FBLN7: variants seen among roughly 807,000 people sequenced by gnomAD.
The protein encoded by FBLN7 is fibulin 7, also known as fibulin-7.
Under a neutral mutation model 44.0 loss-of-function variants are expected in FBLN7, and 31 were observed. The ratio of observed to expected loss-of-function variants is 0.70; its 90% CI spans 0.53 to 0.95. FBLN7 has a LOEUF of 0.95. Ranked by LOEUF, FBLN7 falls within the 40% of genes least tolerant of loss-of-function variation. The pLI is 0.00. For missense variants in FBLN7, 573 were observed against 618.5 expected, an observed-to-expected ratio of 0.93 and a Z score of 0.78; for synonymous variants, 262 against 253.4, an observed-to-expected ratio of 1.03 and a Z score of -0.32.
downstream of FBLN7, chr2:112,189,071 C>T (rs1333716169): frequency 1.3e-5 from 2 of 152,194 alleles, no homozygotes; most frequent in Non-Finnish European, 2.9e-5. Flanking sequence ...ACACATCACA[C>T]ACATCATATG....
chr2:112,204,153 G>T, the FBLN7 span, among the ~76,000 whole-genome samples: 5 of 151,852 alleles, frequency 3.3e-5, no homozygotes, highest in African/African-American at 1.2e-4. Context: ...GAAATATTAA[G>T]TTGAAAAGTA....
At chr2:112,163,120 G>C (rs1333709205) in intron 2 of FBLN7, among the ~76,000 whole-genome samples, 1 of 152,178 alleles carries the variant, frequency 6.6e-6, no homozygotes, top group Non-Finnish European at 1.5e-5. Flanking sequence ...AGCATCCTCG[G>C]AGGGTCCGGC....
the FBLN7 span, chr2:112,213,727 G>T: frequency 1.8e-5 from 2 of 110,336 alleles, no homozygotes; most frequent in African/African-American, 3.6e-5. Context: ...AGTGAGCCAA[G>T]ATCGCACCAC....
intron 4 of FBLN7, 72 bp from the exon 5 acceptor site, chr2:112,181,667 C>T (rs544719522): frequency 2.2e-6 from 3 of 1,340,594 alleles, no homozygotes; most frequent in Non-Finnish European, 2.9e-6. Flanking sequence ...GTTCTGCTCC[C>T]GGCCCCTACC....
Position 112,138,537 on chromosome 2 carries a change from GC to G in FBLN7, c.-113del, listed in dbSNP as rs1389740462. 8 of 1,184,264 alleles carry G rather than the reference GC, an allele frequency of 6.8e-6. No homozygotes were observed. The highest frequency in any genetic ancestry group is 1.6e-5 in the African/African-American group (1 of 60,790). 73.4% of individuals were successfully genotyped at this position (1,184,264 alleles called of 1,614,324 possible). On this transcript the variant is annotated 5_prime_UTR_variant, in exon 1 of 8. Transcript: ENST00000331203. ...TCCCGCCTCCCCCCCTGCCCCAGCC[GC>G]CCCCCGGCCGCGCGGCGCCCCGCAC...
At chr2:112,172,627 CT>C (rs35062438) in intron 3 of FBLN7, among the ~76,000 whole-genome samples, 9,048 of 88,452 alleles carry the variant, frequency 0.1, 96 homozygotes, top group East Asian at 0.24. Flanking sequence ...CTTTTTCTTT[CT>C]TTTTTTTTTT....
At chr2:112,233,825 C>T in the FBLN7 span, among the ~76,000 whole-genome samples, 4 of 151,974 alleles carry the variant, frequency 2.6e-5, no homozygotes, top group Admixed American at 6.6e-5. Context: ...GCCGAGAATG[C>T]GCCACTGCAC....
chr2:112,173,945 A>G (rs977799638), intron 3 of FBLN7, among the ~76,000 whole-genome samples: 2 of 152,352 alleles, frequency 1.3e-5, no homozygotes, highest in South Asian at 4.1e-4. Flanking sequence ...GTCCTGGGAC[A>G]GCTGTGCGTT....
chr2:112,187,336 T>TG lies in FBLN7; in HGVS notation c.1150_1151insG (p.Phe384CysfsTer55). On this transcript the variant is annotated frameshift_variant, in exon 8 of 8. Coordinates refer to ENST00000331203, the MANE Select transcript of FBLN7 (RefSeq NM_153214.3). LOFTEE classifies it high-confidence loss of function. This position sits in a 1 kb window ranked among gnomAD's most constrained non-coding sequence, Gnocchi z 5.1. ...CGTGGGTGGGAACAGCCGCGGCCAC[T>TG]TTGTGATGCAGCGTTCAGACCGGCA... is the stretch of plus-strand genomic sequence containing the variant. 1 of 1,614,128 alleles carries TG rather than the reference T, an allele frequency of 6.2e-7. No individual in the cohort carries two copies. Among genetic ancestry groups the TG allele is most frequent in the Non-Finnish European group, 8.5e-7 (1 of 1,180,042 alleles).
intron 3 of FBLN7, among the ~76,000 whole-genome samples, chr2:112,173,461 G>GA (rs1288266399): frequency 1.3e-5 from 2 of 151,484 alleles, no homozygotes; most frequent in Non-Finnish European, 2.9e-5. Context: ...GAGGTGATTG[G>GA]AAAAATGAAA....
chr2:112,140,428 G>T (rs1680583170), intron 1 of FBLN7, among the ~76,000 whole-genome samples: 1 of 152,230 alleles, frequency 6.6e-6, no homozygotes, highest in South Asian at 2.1e-4. Context: ...CGGATGCCTG[G>T]GTTGAGAGCT....
At chr2:112,231,060 TCA>T in the FBLN7 span, 1 of 705,478 alleles carries the variant, frequency 1.4e-6, no homozygotes, top group Admixed American at 5.3e-5. Flanking sequence ...ATCCTAATAA[TCA>T]TCTAATATTA....
intron 7 of FBLN7, among the ~76,000 whole-genome samples, chr2:112,186,692 C>T (rs796068289): frequency 3.3e-5 from 5 of 152,196 alleles, no homozygotes; most frequent in African/African-American, 7.2e-5. Flanking sequence ...CACCGTACAC[C>T]GTGTGGGAAG....
At chr2:112,228,915 A>G in the FBLN7 span, among the ~76,000 whole-genome samples, 1 of 152,224 alleles carries the variant, frequency 6.6e-6, no homozygotes, top group Non-Finnish European at 1.5e-5. Flanking sequence ...ATGGGCAGAG[A>G]TCTAAACTGA....
the FBLN7 span, among the ~76,000 whole-genome samples, chr2:112,232,202 G>C: frequency 2.6e-5 from 4 of 151,300 alleles, no homozygotes; most frequent in African/African-American, 9.7e-5. Context: ...TGTAATCCCA[G>C]CTACTCAGGA....
chr2:112,156,258 C>T (rs1275277187), intron 1 of FBLN7, among the ~76,000 whole-genome samples: 6 of 152,164 alleles, frequency 3.9e-5, no homozygotes, highest in Non-Finnish European at 8.8e-5. Flanking sequence ...GGAGGCAGTC[C>T]ATTGGGGTGG....
At chr2:112,216,044 AG>A in the FBLN7 span, 1 of 152,220 alleles carries the variant, frequency 6.6e-6, no homozygotes, top group Non-Finnish European at 1.5e-5. Flanking sequence ...TGTCATAAAG[AG>A]AACTAACTCT....
At chr2:112,184,555 T>A (rs976783532) in intron 6 of FBLN7, among the ~76,000 whole-genome samples, 2 of 151,844 alleles carry the variant, frequency 1.3e-5, no homozygotes, top group Non-Finnish European at 2.9e-5. Context: ...ATACAAATCA[T>A]GATATTGAGG....
the FBLN7 span, chr2:112,213,822 C>T: frequency 3.7e-5 from 5 of 134,240 alleles, no homozygotes; most frequent in Non-Finnish European, 6.2e-5. Flanking sequence ...TTTAGTTCTA[C>T]TATTATGTGG....
Sources: gnomAD v4.1 joint callset for allele counts (sites outside exome capture counted in the v4.1 genomes callset) on GRCh38, gnomAD v4.1.1 for gene constraint, Gnocchi (gnomAD v3.1) non-coding constraint, MANE v1.5 for transcripts, NCBI Gene and HGNC (gene_info 2026-07-23, HGNC 2026-07-21) for gene names.